FAM117B: variants seen among roughly 807,000 people sequenced by gnomAD.
FAM117B encodes the protein family with sequence similarity 117 member B, also known as protein FAM117B.
A neutral mutation model predicts 52.8 loss-of-function variants in FAM117B; 22 were observed. The observed-to-expected ratio is 0.42, with a 90% CI of 0.30 to 0.59. The LOEUF is 0.59. Ranked by LOEUF, FAM117B falls within the 20% of genes least tolerant of loss-of-function variation. The probability of loss-of-function intolerance (pLI) is 0.22; values close to 1 mark genes in which losing one functional copy is unlikely to be tolerated. For missense variants in FAM117B, 678 were observed against 802.6 expected, an observed-to-expected ratio of 0.84 and a Z score of 1.88; for synonymous variants, 309 against 324.1, an observed-to-expected ratio of 0.95 and a Z score of 0.50.
intron 2 of FAM117B, among the ~76,000 whole-genome samples, chr2:202,700,512 C>A (rs1690781474): frequency 1.3e-5 from 2 of 152,046 alleles, no homozygotes; most frequent in African/African-American, 4.8e-5. Flanking sequence ...GGCGAGGACG[C>A]TACAGAAGAA....
intron 4 of FAM117B, among the ~76,000 whole-genome samples, chr2:202,744,766 G>A (rs1691605008): frequency 1.3e-5 from 2 of 151,618 alleles, no homozygotes; most frequent in South Asian, 2.1e-4. Context: ...CTGAGATCAG[G>A]AGTTCGAGAT....
rs1692000492 is a variant in FAM117B at position 202,767,462 on chromosome 2, G to A, written c.*1698G>A. The A allele has an allele frequency of 6.6e-6, 1 of 152,084 alleles. No homozygotes were observed. Among genetic ancestry groups the A allele is most frequent in the Non-Finnish European group, 1.5e-5 (1 of 68,030 alleles). 9.4% of individuals were successfully genotyped at this position (152,084 alleles called of 1,614,324 possible). A position where few individuals can be genotyped will look rare whatever the true frequency, so the allele number is the denominator to read the frequency against. Reference sequence around the variant, plus strand: ...GGTGTGAGCCACCACGCCCATCCAGGAGCAGCTCTTTTTTTAAAAGTGAGT... The same window carrying A: ...GGTGTGAGCCACCACGCCCATCCAGAAGCAGCTCTTTTTTTAAAAGTGAGT... On this transcript the variant is annotated 3_prime_UTR_variant, in exon 8 of 8. Transcript: ENST00000392238.
chr2:202,692,831 T>G lies in FAM117B; in HGVS notation c.602-3050T>G, dbSNP rs866501369. On this transcript the variant is annotated intron_variant, in intron 1 of 7. Coordinates refer to ENST00000392238, the MANE Select transcript of FAM117B (RefSeq NM_173511.4). ...TTTGCTGTGTGTACTTAATTCTGCCTTTTTTTTTAAGCACAAAAGCAGCCA... is the reference window on the plus strand; with the variant it reads ...TTTGCTGTGTGTACTTAATTCTGCCGTTTTTTTTAAGCACAAAAGCAGCCA... Among the ~76,000 whole-genome samples, 3 of 151,304 alleles carry G rather than the reference T, an allele frequency of 2.0e-5. No individual in the cohort carries two copies. In the South Asian group the frequency reaches 6.3e-4, roughly 32 times the overall value.
At chr2:202,671,319 G>C (rs1248536857) in intron 1 of FAM117B, among the ~76,000 whole-genome samples, 1 of 152,214 alleles carries the variant, frequency 6.6e-6, no homozygotes, top group Non-Finnish European at 1.5e-5. Flanking sequence ...TTAATAAGTA[G>C]TATACCACAC....
intron 4 of FAM117B, among the ~76,000 whole-genome samples, chr2:202,737,802 A>G (rs1464022746): frequency 6.6e-6 from 1 of 151,966 alleles, no homozygotes; most frequent in African/African-American, 2.4e-5. Flanking sequence ...GGGTTTCACT[A>G]TGTTGGCCAG....
At chr2:202,687,555 A>C (rs1286787376) in intron 1 of FAM117B, among the ~76,000 whole-genome samples, 7 of 152,114 alleles carry the variant, frequency 4.6e-5, no homozygotes. Flanking sequence ...GACTACAGGC[A>C]CATGCCACCA....
intron 2 of FAM117B, among the ~76,000 whole-genome samples, chr2:202,714,740 T>C (rs898559722): frequency 6.6e-6 from 1 of 152,098 alleles, no homozygotes; most frequent in Non-Finnish European, 1.5e-5. Context: ...ACTCTTTAAC[T>C]AGCATGCTGC....
chr2:202,663,939 A>T (rs1047219154), intron 1 of FAM117B, among the ~76,000 whole-genome samples: 1 of 152,146 alleles, frequency 6.6e-6, no homozygotes, highest in African/African-American at 2.4e-5. Flanking sequence ...CAAACCTTTC[A>T]TTTTTGTTAA....
chr2:202,748,368 T>A (rs950382043), intron 4 of FAM117B, among the ~76,000 whole-genome samples: 3 of 152,258 alleles, frequency 2.0e-5, no homozygotes, highest in East Asian at 1.9e-4. Flanking sequence ...CACATTGGTC[T>A]AGGCAAAGAT....
At chr2:202,701,567 G>A (rs563938897) in intron 2 of FAM117B, among the ~76,000 whole-genome samples, 2 of 152,336 alleles carry the variant, frequency 1.3e-5, no homozygotes, top group East Asian at 3.9e-4. Context: ...AAAGCTTTTG[G>A]AAAAGATTCA....
intron 1 of FAM117B, among the ~76,000 whole-genome samples, chr2:202,684,799 AGT>A: frequency 6.6e-6 from 1 of 152,164 alleles, no homozygotes. Flanking sequence ...GGTTGATGAA[AGT>A]GTTGTGATTA....
In FAM117B at chr2:202,676,946, G is replaced by T. The variant is rs78789673; in HGVS notation, c.602-18935G>T. On this transcript the variant is annotated intron_variant, in intron 1 of 7. Coordinates refer to ENST00000392238, the MANE Select transcript of FAM117B (RefSeq NM_173511.4). ...AGCATATTGTTGAAAAACGGAGGAA[G>T]GAGAATTCTTATTATGTAGAGGCAG... Among the ~76,000 whole-genome samples, 921 of 152,170 alleles carry T rather than the reference G, an allele frequency of 6.1e-3. 39 individuals are homozygous for T. The East Asian group carries it at 0.081, about 13-fold the overall frequency.
Position 202,727,385 on chromosome 2 carries a change from A to G in FAM117B, c.960+1022A>G, listed in dbSNP as rs566622750. The stretch of plus-strand genomic sequence containing the variant: ...CACTCTCATTTTTTATGTATTGTCT[A>G]TTGCTCCTTTTTGTGCCACAAAAAT... On this transcript the variant is annotated intron_variant, in intron 4 of 7. Coordinates refer to ENST00000392238, the MANE Select transcript of FAM117B (RefSeq NM_173511.4). Among the ~76,000 whole-genome samples the G allele has an allele frequency of 5.3e-5, 8 of 152,032 alleles. No homozygotes were observed. The East Asian group carries it at 7.7e-4, about 15-fold the overall frequency.
chr2:202,684,336 C>T (rs1324448017), intron 1 of FAM117B, among the ~76,000 whole-genome samples: 2 of 152,138 alleles, frequency 1.3e-5, no homozygotes, highest in Non-Finnish European at 2.9e-5. Context: ...GGCAAATTTG[C>T]CCACTAGCTA....
At chr2:202,661,243 A>T (rs1430529684) in intron 1 of FAM117B, among the ~76,000 whole-genome samples, 1 of 152,160 alleles carries the variant, frequency 6.6e-6, no homozygotes, top group Non-Finnish European at 1.5e-5. Context: ...GGTGCTAGAG[A>T]TAGAAGTGTG....
intron 4 of FAM117B, among the ~76,000 whole-genome samples, chr2:202,751,309 AG>A (rs1167102378): frequency 1.3e-5 from 2 of 152,194 alleles, no homozygotes; most frequent in African/African-American, 4.8e-5. Context: ...TTGTCTGACC[AG>A]TACTTGATTT....
chr2:202,708,157 T>G (rs1690903080), intron 2 of FAM117B, among the ~76,000 whole-genome samples: 1 of 152,224 alleles, frequency 6.6e-6, no homozygotes, highest in South Asian at 2.1e-4. Flanking sequence ...GTATGATAAT[T>G]ATACAGCAGA....
chr2:202,751,771 C>CAAAAAAAAAAAAAAAAAAAAAAAAAAA (rs397868272), intron 4 of FAM117B, among the ~76,000 whole-genome samples: 1 of 76,220 alleles, frequency 1.3e-5, no homozygotes, highest in African/African-American at 5.3e-5. Context: ...GACTCCATCT[C>CAAAAAAAAAAAAAAAAAAAAAAAAAAA]AAAAAAAAAA....
At position 202,769,348 on chromosome 2, in the gene FAM117B, C is replaced by T. The variant is rs1692036559; in HGVS notation, c.*3584C>T. ...ACTGCATTTACTTTACTATTGTAAA[C>T]TTAAGATTCATTCCTTAGTCTTTGG... On this transcript the variant is annotated 3_prime_UTR_variant, in exon 8 of 8. Coordinates refer to ENST00000392238, the MANE Select transcript of FAM117B (RefSeq NM_173511.4). 1 of 152,592 alleles carries T rather than the reference C, an allele frequency of 6.6e-6. No individual in the cohort carries two copies. Among genetic ancestry groups the T allele is most frequent in the Non-Finnish European group, 1.5e-5 (1 of 68,024 alleles). The allele number at this position is 152,592 out of a possible 1,614,324, so 9.5% of individuals were successfully genotyped here. A position where few individuals can be genotyped will look rare whatever the true frequency, so the allele number is the denominator to read the frequency against.
Sources: gnomAD v4.1 joint callset for allele counts (sites outside exome capture counted in the v4.1 genomes callset) on GRCh38, gnomAD v4.1.1 for gene constraint, MANE v1.5 for transcripts, NCBI Gene and HGNC (gene_info 2026-07-23, HGNC 2026-07-21) for gene names.